Variants in ASNS observed in about 807,000 individuals in gnomAD.
ASNS encodes asparagine synthetase (glutamine-hydrolyzing), also known as asparagine synthetase [glutamine-hydrolyzing].
ASNS carries 37 observed loss-of-function variants against 62.6 expected under a neutral mutation model. The ratio of observed to expected loss-of-function variants is 0.59; its 90% CI spans 0.45 to 0.78. The LOEUF (loss-of-function observed/expected upper bound fraction) is 0.78. Among genes scored for constraint, ASNS ranks in the 30% least tolerant of loss-of-function variants. The pLI, the probability that ASNS is intolerant of heterozygous loss-of-function variation, is 0.00. For synonymous variants in ASNS, 207 were observed against 237.9 expected, an observed-to-expected ratio of 0.87 and a Z score of 1.19; for missense variants, 520 against 682.4, an observed-to-expected ratio of 0.76 and a Z score of 2.65.
At chr7:97,904,787 AG>A in the ASNS span, among the ~76,000 whole-genome samples, 1 of 152,254 alleles carries the variant, frequency 6.6e-6, no homozygotes, top group African/African-American at 2.4e-5. Context: ...TTTAGAATAA[AG>A]AACAATCCTC....
At chr7:97,919,355 C>T in the ASNS span, among the ~76,000 whole-genome samples, 1 of 152,308 alleles carries the variant, frequency 6.6e-6, no homozygotes, top group Admixed American at 6.5e-5. Context: ...GCCCACCCGC[C>T]TTGGCCTCCA....
At chr7:97,871,086 C>T (rs947264334) in intron 1 of ASNS, among the ~76,000 whole-genome samples, 5 of 152,056 alleles carry the variant, frequency 3.3e-5, no homozygotes, top group African/African-American at 1.2e-4. Flanking sequence ...TTTAAATATA[C>T]TAGTAGCCCC....
chr7:97,852,362 C>CGTT lies in ASNS; in HGVS notation c.1582_1583insAAC (p.Gly528delinsGluArg). The CGTT allele has an allele frequency of 6.2e-7, 1 of 1,614,124 alleles. No homozygotes were observed. Among genetic ancestry groups the CGTT allele is most frequent in the Non-Finnish European group, 8.5e-7 (1 of 1,180,036 alleles). On this transcript the variant is annotated protein_altering_variant, in exon 13 of 13. Transcript: ENST00000394308. ...GTAATGGCTCAGCCAGTCAGCCCGG[C>CGTT]CTGGGTAATGGCGTTCAAAGACTTG...
chr7:97,912,860 G>A, the ASNS span, among the ~76,000 whole-genome samples: 1 of 151,030 alleles, frequency 6.6e-6, no homozygotes, highest in Non-Finnish European at 1.5e-5. Flanking sequence ...AGGACTACAG[G>A]CATGAGCCAC....
At position 97,852,503 on chromosome 7, in the gene ASNS, A is replaced by C. The variant is rs746662528; in HGVS notation, c.1477-35T>G. 8 of 1,588,716 alleles carry C rather than the reference A, an allele frequency of 5.0e-6. No homozygotes were observed. The South Asian group carries it at 8.8e-5, about 18-fold the overall frequency. On this transcript the variant is annotated intron_variant, in intron 12 of 12. Coordinates refer to ENST00000394308, the MANE Select transcript of ASNS (RefSeq NM_001673.5). ...TAAGCATATAAGAGCAAAATGGCTTAAAATGGCAGGAAATACTTGTGTTTA... is the reference window on the plus strand; with the variant it reads ...TAAGCATATAAGAGCAAAATGGCTTCAAATGGCAGGAAATACTTGTGTTTA...
At chr7:97,912,650 T>C in the ASNS span, among the ~76,000 whole-genome samples, 1 of 140,716 alleles carries the variant, frequency 7.1e-6, no homozygotes, top group Non-Finnish European at 1.5e-5. Flanking sequence ...TGGTGCCATC[T>C]CGGCTCACTG....
At chr7:97,898,960 T>C in the ASNS span, 1 of 831,752 alleles carries the variant, frequency 1.2e-6, no homozygotes, top group East Asian at 2.4e-5. Context: ...CAATTTGGGT[T>C]CCTTGGGTCC....
the ASNS span, among the ~76,000 whole-genome samples, chr7:97,925,659 C>G: frequency 6.6e-6 from 1 of 152,216 alleles, no homozygotes; most frequent in Non-Finnish European, 1.5e-5. Flanking sequence ...TGCACCTCTA[C>G]AGGAGCCCCA....
chr7:97,901,956 C>T, the ASNS span, among the ~76,000 whole-genome samples: 2 of 151,398 alleles, frequency 1.3e-5, no homozygotes, highest in Non-Finnish European at 2.9e-5. Flanking sequence ...CTAGCCTGGG[C>T]AATAAAGCAA....
the ASNS span, among the ~76,000 whole-genome samples, chr7:97,893,490 C>T: frequency 2.6e-5 from 4 of 152,232 alleles, no homozygotes; most frequent in Non-Finnish European, 5.9e-5. Flanking sequence ...ACTCACTTCA[C>T]TTGTAAAGAC....
chr7:97,862,562 C>T (rs1791773059), intron 4 of ASNS, among the ~76,000 whole-genome samples: 1 of 151,996 alleles, frequency 6.6e-6, no homozygotes, highest in Admixed American at 6.6e-5. Context: ...AAACATTTGT[C>T]AAATCCAAAA....
chr7:97,927,529 G>A, the ASNS span, among the ~76,000 whole-genome samples: 1 of 152,264 alleles, frequency 6.6e-6, no homozygotes, highest in South Asian at 2.1e-4. Context: ...CCAGACTCGC[G>A]TTCCCAAGGT....
the ASNS span, among the ~76,000 whole-genome samples, chr7:97,925,805 C>T: frequency 7.2e-5 from 11 of 152,098 alleles, no homozygotes; most frequent in East Asian, 5.8e-4. Context: ...AAATCTCTGC[C>T]GAGGTGCCTG....
chr7:97,924,789 C>T, the ASNS span, among the ~76,000 whole-genome samples: 1 of 152,262 alleles, frequency 6.6e-6, no homozygotes, highest in Non-Finnish European at 1.5e-5. Flanking sequence ...GGAGTCTAGA[C>T]AAGCCAAATG....
chr7:97,898,231 A>G, the ASNS span: 1 of 313,322 alleles, frequency 3.2e-6, no homozygotes, highest in Non-Finnish European at 5.9e-6. Flanking sequence ...AGTAGCTAGG[A>G]TTACAGGCAT....
At chr7:97,855,133 A>G (rs1230094775) in intron 9 of ASNS, 1 of 486,730 alleles carries the variant, frequency 2.1e-6, no homozygotes, top group Non-Finnish European at 3.7e-6. Context: ...ATGAGCCCTC[A>G]TACCCAGCTG....
In ASNS at chr7:97,852,542, A is replaced by C. The variant is rs1184654651; in HGVS notation, c.1477-74T>G. ...TACTTGTGTTTAGTCTCATTTCACG[A>C]AACAGAAAATGTTAAGACGTGACTG... On this transcript the variant is annotated intron_variant, in intron 12 of 12. Coordinates refer to ENST00000394308, the MANE Select transcript of ASNS (RefSeq NM_001673.5). 191 of 1,423,446 alleles carry C rather than the reference A, an allele frequency of 1.3e-4. 2 individuals are homozygous for C. In the South Asian group the frequency reaches 2.1e-3, roughly 16 times the overall value. The allele number at this position is 1,423,446 out of a possible 1,614,324, so 88.2% of individuals were successfully genotyped here.
the ASNS span, among the ~76,000 whole-genome samples, chr7:97,883,257 T>C: frequency 6.6e-6 from 1 of 152,110 alleles, no homozygotes; most frequent in Non-Finnish European, 1.5e-5. Context: ...AAGGAGGAGT[T>C]GTTGGCTGTT....
chr7:97,885,197 T>A, the ASNS span, among the ~76,000 whole-genome samples: 1 of 152,282 alleles, frequency 6.6e-6, no homozygotes, highest in African/African-American at 2.4e-5. Context: ...TCATAGTTCA[T>A]CCGTGTTGTA....
Sources: gnomAD v4.1 joint callset for allele counts (sites outside exome capture counted in the v4.1 genomes callset) on GRCh38, gnomAD v4.1.1 for gene constraint, MANE v1.5 for transcripts, NCBI Gene and HGNC (gene_info 2026-07-23, HGNC 2026-07-21) for gene names.